Variants in PRKAA1 observed in about 807,000 individuals in gnomAD.
PRKAA1 encodes 5'-AMP-activated protein kinase catalytic subunit alpha-1.
A neutral mutation model predicts 56.9 loss-of-function variants in PRKAA1; 23 were observed. The ratio of observed to expected loss-of-function variants is 0.40; its 90% CI spans 0.29 to 0.57. The LOEUF (loss-of-function observed/expected upper bound fraction) is 0.57. Ranked by LOEUF, PRKAA1 falls within the 20% of genes least tolerant of loss-of-function variation. PRKAA1 has a pLI of 0.39. For synonymous variants in PRKAA1, 226 were observed against 227.0 expected (o/e 1.00, Z 0.04); for missense variants, 413 against 679.7 (o/e 0.61, Z 4.36).
intron 8 of PRKAA1, among the ~76,000 whole-genome samples, chr5:40,763,916 T>C (rs980006259): frequency 1.3e-5 from 2 of 152,146 alleles, no homozygotes; most frequent in African/African-American, 4.8e-5. Flanking sequence ...CAACCTTCCA[T>C]AAGCAAAGGT....
At chr5:40,773,913 A>G (rs997740455) in intron 3 of PRKAA1, among the ~76,000 whole-genome samples, 30 of 152,368 alleles carry the variant, frequency 2.0e-4, no homozygotes, top group African/African-American at 7.2e-4. Flanking sequence ...CATGGGGGCT[A>G]AGACAAAGTC....
intron 6 of PRKAA1, among the ~76,000 whole-genome samples, chr5:40,765,760 A>C (rs6882903): frequency 2.6e-3 from 390 of 151,838 alleles, no homozygotes; most frequent in African/African-American, 8.6e-3. Flanking sequence ...TTAAAAAAAA[A>C]ATCAAGGAAC....
intron 6 of PRKAA1, among the ~76,000 whole-genome samples, chr5:40,766,155 C>A (rs1440224335): frequency 6.6e-6 from 1 of 152,118 alleles, no homozygotes; most frequent in Admixed American, 6.5e-5. Context: ...ATGATTTGTC[C>A]TTTCCCTTTG....
At chr5:40,781,041 TA>T (rs1744247163) in intron 1 of PRKAA1, among the ~76,000 whole-genome samples, 1 of 152,198 alleles carries the variant, frequency 6.6e-6, no homozygotes, top group African/African-American at 2.4e-5. Flanking sequence ...TTCCACCTAA[TA>T]TGATGCAAGT....
intron 8 of PRKAA1, among the ~76,000 whole-genome samples, chr5:40,763,985 G>A (rs2111975656): frequency 2.0e-5 from 3 of 152,158 alleles, no homozygotes; most frequent in Admixed American, 2.0e-4. Flanking sequence ...ATGTTGCTAA[G>A]GCTGGTCTCA....
At chr5:40,765,921 G>T (rs1401425222) in intron 6 of PRKAA1, among the ~76,000 whole-genome samples, 2 of 151,440 alleles carry the variant, frequency 1.3e-5, no homozygotes, top group Non-Finnish European at 2.9e-5. Context: ...ATGTCACTTT[G>T]CTAAAACTAA....
chr5:40,779,323 A>G (rs1055914125), intron 1 of PRKAA1, among the ~76,000 whole-genome samples: 1 of 152,188 alleles, frequency 6.6e-6, no homozygotes, highest in African/African-American at 2.4e-5. Flanking sequence ...CCAAAAGAAC[A>G]AAATCCAAAA....
chr5:40,792,208 C>T (rs1365976680), intron 1 of PRKAA1, among the ~76,000 whole-genome samples: 1 of 152,160 alleles, frequency 6.6e-6, no homozygotes, highest in Non-Finnish European at 1.5e-5. Context: ...AAGTGGTAGG[C>T]ATATTGAACA....
At chr5:40,786,641 T>A (rs903115469) in intron 1 of PRKAA1, among the ~76,000 whole-genome samples, 2 of 150,804 alleles carry the variant, frequency 1.3e-5, no homozygotes, top group African/African-American at 4.9e-5. Context: ...GAAAAAAGGA[T>A]AAAGAATGAA....
intron 1 of PRKAA1, among the ~76,000 whole-genome samples, chr5:40,787,647 A>T (rs1451034989): frequency 6.6e-6 from 1 of 152,068 alleles, no homozygotes; most frequent in Non-Finnish European, 1.5e-5. Context: ...CAGTTATAAG[A>T]TGTTTTGTGT....
rs1250050210 is a variant in PRKAA1, at chr5:40,760,652, T to C, written c.*2126A>G. On this transcript the variant is annotated 3_prime_UTR_variant, in exon 9 of 9. Transcript: ENST00000397128. ...CTTTGTACAGCTTTCAAATTAGAAG[T>C]TGAATAGAACAAGCCCTGGACAAAA... 2 of 152,690 alleles carry C rather than the reference T, an allele frequency of 1.3e-5. No individual in the cohort carries two copies. The highest frequency in any genetic ancestry group is 4.8e-5 in the African/African-American group (2 of 41,446). 9.5% of individuals were successfully genotyped at this position (152,690 alleles called of 1,614,324 possible).
At position 40,775,491 on chromosome 5, in the gene PRKAA1, G is replaced by T. The variant is rs200384612; in HGVS notation, c.282C>A (p.Ile94=). ...HPHIIKLYQV[I]STPSDIFMVM... Reference sequence around the variant, plus strand: ...CCATGAAAATATCAGATGGTGTACTGATGACCTGGTACCTGGTGAGAGAAA... The same window carrying T: ...CCATGAAAATATCAGATGGTGTACTTATGACCTGGTACCTGGTGAGAGAAA... Residue 94 remains isoleucine, a synonymous_variant, in exon 3 of 9, where the codon ATC becomes ATA. Coordinates refer to ENST00000397128, the MANE Select transcript of PRKAA1 (RefSeq NM_006251.6). 1.3e-6 allele frequency: 2 copies of T among 1,598,698 alleles called. No homozygotes were observed. Among genetic ancestry groups the T allele is most frequent in the Non-Finnish European group, 1.7e-6 (2 of 1,166,224 alleles).
rs577741988 is a variant in PRKAA1 at position 40,776,701 on chromosome 5, T to G, written c.269+744A>C. ...AAACAACAGTAAGATTACTGCCCTTTTGAAACCTTGGATTCCTGAAATTTT... is the reference window on the plus strand; with the variant it reads ...AAACAACAGTAAGATTACTGCCCTTGTGAAACCTTGGATTCCTGAAATTTT... On this transcript the variant is annotated intron_variant, in intron 2 of 8. Transcript: ENST00000397128. Among the ~76,000 whole-genome samples, 3 of 152,368 alleles carry G rather than the reference T, an allele frequency of 2.0e-5. No homozygotes were observed. In the East Asian group the frequency reaches 5.8e-4, roughly 29 times the overall value.
rs570645899 is a variant in PRKAA1 at position 40,763,166 on chromosome 5, A to G, written c.1436-144T>C. The G allele has an allele frequency of 4.7e-4, 354 of 752,564 alleles. 6 individuals are homozygous for G. In the South Asian group the frequency reaches 6.2e-3, roughly 13 times the overall value. 46.6% of individuals were successfully genotyped at this position (752,564 alleles called of 1,614,324 possible). A position where few individuals can be genotyped will look rare whatever the true frequency, so the allele number is the denominator to read the frequency against. On this transcript the variant is annotated intron_variant, in intron 8 of 8. Coordinates refer to ENST00000397128, the MANE Select transcript of PRKAA1 (RefSeq NM_006251.6). ...TTCTAAATACCTTCTAAAACAGTCA[A>G]TGAGCCTGTATTAAACTATTCATCT... is the stretch of plus-strand genomic sequence containing the variant.
chr5:40,765,010 A>G lies in PRKAA1; in HGVS notation c.1050T>C (p.Asp350=), dbSNP rs774220568. ...DNRRIMNEAK[D]FYLATSPPDS... ...CAGGTGGGCTTGTCGCCAAATAGAAATCTTTGGCTTCATTCATTATTCTCC... is the reference window on the plus strand; with the variant it reads ...CAGGTGGGCTTGTCGCCAAATAGAAGTCTTTGGCTTCATTCATTATTCTCC... Residue 350 remains aspartate, a synonymous_variant, in exon 7 of 9, where the codon GAT becomes GAC. Coordinates refer to ENST00000397128, the MANE Select transcript of PRKAA1 (RefSeq NM_006251.6). The G allele has an allele frequency of 6.2e-7, 1 of 1,614,174 alleles. No homozygotes were observed. Among genetic ancestry groups the G allele is most frequent in the South Asian group, 1.1e-5 (1 of 91,086 alleles).
At chr5:40,763,047 TTATAGTCTATGACCTTCTCCC>T in intron 8 of PRKAA1, 25 bp from the exon 9 acceptor site, 1 of 1,612,190 alleles carries the variant, frequency 6.2e-7, no homozygotes, top group African/African-American at 1.3e-5. Flanking sequence ...TTTCAATTTA[TTATAGTCTATGACCTTCTCCC>T]AAAAATTTTT....
chr5:40,769,915 T>C (rs895781514), intron 4 of PRKAA1, among the ~76,000 whole-genome samples: 1 of 147,184 alleles, frequency 6.8e-6, no homozygotes, highest in Non-Finnish European at 1.5e-5. Context: ...TAATTTTGAA[T>C]TTCAAAGTTC....
chr5:40,798,289 G>A lies in PRKAA1; in HGVS notation c.-100C>T, dbSNP rs1745042534. 3.0e-6 allele frequency: 2 copies of A among 664,162 alleles called. No homozygotes were observed. The highest frequency in any genetic ancestry group is 2.0e-5 in the African/African-American group (1 of 51,192). 41.1% of individuals were successfully genotyped at this position (664,162 alleles called of 1,614,324 possible). A position where few individuals can be genotyped will look rare whatever the true frequency, so the allele number is the denominator to read the frequency against. On this transcript the variant is annotated 5_prime_UTR_variant, in exon 1 of 9. Transcript: ENST00000397128. ...AGGGCAGCCACCGAGCCGAGTCACC[G>A]CCCTGCGCCGCCAGCCCAGGCCCCG...
chr5:40,763,285 AAACCAAC>A (rs1743280514), intron 8 of PRKAA1, among the ~76,000 whole-genome samples: 5 of 152,228 alleles, frequency 3.3e-5, no homozygotes, highest in Admixed American at 3.3e-4. Flanking sequence ...AGAGCCCAGT[AAACCAAC>A]AATCTAGGGA....
Sources: gnomAD v4.1 joint callset for allele counts (sites outside exome capture counted in the v4.1 genomes callset) on GRCh38, gnomAD v4.1.1 for gene constraint, MANE v1.5 for transcripts, NCBI Gene and HGNC (gene_info 2026-07-23, HGNC 2026-07-21) for gene names.